ASAP1: variants seen among roughly 807,000 people sequenced by gnomAD.
ASAP1 encodes the protein ArfGAP with SH3 domain, ankyrin repeat and PH domain 1.
In ASAP1, 43 loss-of-function variants were observed where a neutral mutation model predicts 145.2. That is an observed-to-expected ratio of 0.30 (90% CI 0.23 to 0.38). The LOEUF (loss-of-function observed/expected upper bound fraction) is 0.38, where lower values mean the gene tolerates loss of function less well. ASAP1 is among the 10% of genes least tolerant of loss of function. The probability of loss-of-function intolerance (pLI) is 1.00; values close to 1 mark genes in which losing one functional copy is unlikely to be tolerated. For missense variants in ASAP1, 1,018 were observed against 1,355.3 expected, an observed-to-expected ratio of 0.75 and a Z score of 3.91; for synonymous variants, 546 against 515.5, an observed-to-expected ratio of 1.06 and a Z score of -0.80.
At chr8:130,150,971 T>C (rs2097644959) in intron 13 of ASAP1, among the ~76,000 whole-genome samples, 1 of 152,196 alleles carries the variant, frequency 6.6e-6, no homozygotes, top group Admixed American at 6.5e-5. Flanking sequence ...CATACACAGA[T>C]GACTGTGTAT....
chr8:130,220,804 G>A (rs1817246695), intron 4 of ASAP1, among the ~76,000 whole-genome samples: 1 of 152,164 alleles, frequency 6.6e-6, no homozygotes, highest in Admixed American at 6.5e-5. Flanking sequence ...GGTGGAAGGG[G>A]AAGCAAACAC....
At chr8:130,125,780 T>C (rs773211268) in intron 17 of ASAP1, among the ~76,000 whole-genome samples, 176 bp downstream of exon 17, 2 of 152,148 alleles carry the variant, frequency 1.3e-5, no homozygotes, top group Admixed American at 6.5e-5. Flanking sequence ...AAACAGGAAA[T>C]AGAAAGTCAG....
intron 5 of ASAP1, among the ~76,000 whole-genome samples, chr8:130,205,997 G>T (rs1816196026): frequency 3.3e-5 from 5 of 152,024 alleles, no homozygotes; most frequent in Admixed American, 3.3e-4. Context: ...ATTAACAGAA[G>T]CTAGAATTAT....
At chr8:130,394,119 A>G (rs1199263043) in intron 2 of ASAP1, among the ~76,000 whole-genome samples, 1 of 152,244 alleles carries the variant, frequency 6.6e-6, no homozygotes, top group East Asian at 1.9e-4. Context: ...CCTTGAAAAA[A>G]GAACAGGATA....
chr8:130,118,057 C>G, intron 20 of ASAP1, 104 bp downstream of exon 20: 2 of 912,748 alleles, frequency 2.2e-6, no homozygotes, highest in Non-Finnish European at 1.7e-6. Flanking sequence ...TAGCATGACA[C>G]AGAAAAAGCT....
intron 5 of ASAP1, among the ~76,000 whole-genome samples, chr8:130,211,328 T>TATGC (rs1816567184): frequency 6.6e-6 from 1 of 152,190 alleles, no homozygotes; most frequent in Admixed American, 6.5e-5. Context: ...GCCTCAGCCC[T>TATGC]ATGCACTGTT....
chr8:130,269,878 T>A (rs551575220), intron 3 of ASAP1, among the ~76,000 whole-genome samples: 1 of 152,304 alleles, frequency 6.6e-6, no homozygotes, highest in East Asian at 1.9e-4. Flanking sequence ...TCGTTCCAAG[T>A]TAAATATCAG....
At chr8:130,409,228 C>T (rs565969687) in intron 1 of ASAP1, among the ~76,000 whole-genome samples, 17 of 151,794 alleles carry the variant, frequency 1.1e-4, no homozygotes, top group Non-Finnish European at 2.4e-4. Flanking sequence ...CGCCACTGCA[C>T]TCCAGCCTGG....
At chr8:130,425,274 G>C (rs1234414032) in intron 1 of ASAP1, among the ~76,000 whole-genome samples, 2 of 152,116 alleles carry the variant, frequency 1.3e-5, no homozygotes, top group Admixed American at 6.5e-5. Context: ...AGAGGTTACA[G>C]TGAGGTGAGA....
At chr8:130,380,089 C>G (rs1827696156) in intron 2 of ASAP1, among the ~76,000 whole-genome samples, 1 of 152,170 alleles carries the variant, frequency 6.6e-6, no homozygotes, top group Non-Finnish European at 1.5e-5. Context: ...GTTGGGCACC[C>G]CAGGTCTCAG....
intron 24 of ASAP1, among the ~76,000 whole-genome samples, chr8:130,103,497 C>T (rs1425349054): frequency 6.6e-6 from 1 of 151,502 alleles, no homozygotes. Flanking sequence ...GGTTATTTGA[C>T]ATTTTTATTT....
intron 5 of ASAP1, among the ~76,000 whole-genome samples, chr8:130,211,704 C>T: frequency 6.6e-6 from 1 of 152,164 alleles, no homozygotes; most frequent in East Asian, 1.9e-4. Context: ...TCTTCAAAGG[C>T]AATACTTAAT....
chr8:130,357,269 G>C (rs1444361914), intron 3 of ASAP1, among the ~76,000 whole-genome samples: 1 of 151,070 alleles, frequency 6.6e-6, no homozygotes, highest in Non-Finnish European at 1.5e-5. Flanking sequence ...CTGTCGCCTC[G>C]GGCCTCCCTT....
chr8:130,149,815 G>A (rs1257378469), intron 13 of ASAP1, among the ~76,000 whole-genome samples: 2 of 152,180 alleles, frequency 1.3e-5, no homozygotes, highest in Non-Finnish European at 2.9e-5. Context: ...CCTTTCTGTG[G>A]GAGCAGCAAT....
intron 7 of ASAP1, 63 bp downstream of exon 7, chr8:130,187,173 G>A: frequency 1.5e-6 from 2 of 1,297,054 alleles, no homozygotes; most frequent in East Asian, 2.4e-5. Context: ...TTTTTTTTTT[G>A]TTGTCCAAAA....
chr8:130,126,734 G>C (rs901748361), intron 16 of ASAP1, among the ~76,000 whole-genome samples: 3 of 152,138 alleles, frequency 2.0e-5, no homozygotes, highest in African/African-American at 7.2e-5. Flanking sequence ...CTGACACTAC[G>C]TGTGTCACTA....
intron 25 of ASAP1, among the ~76,000 whole-genome samples, chr8:130,090,697 C>G (rs938178467): frequency 6.6e-6 from 1 of 152,138 alleles, no homozygotes; most frequent in East Asian, 1.9e-4. Flanking sequence ...ATGAACTCCA[C>G]GAGCATATGG....
chr8:130,294,604 A>G (rs1822147996), intron 3 of ASAP1, among the ~76,000 whole-genome samples: 1 of 152,268 alleles, frequency 6.6e-6, no homozygotes, highest in Non-Finnish European at 1.5e-5. Flanking sequence ...TTAAGTGTCC[A>G]ACACACAGTG....
At chr8:130,151,040 C>G (rs1024468389) in intron 13 of ASAP1, among the ~76,000 whole-genome samples, 4 of 151,868 alleles carry the variant, frequency 2.6e-5, no homozygotes, top group African/African-American at 9.7e-5. Flanking sequence ...TCTTTGATGC[C>G]TACACCAGAA....
Sources: gnomAD v4.1 joint callset for allele counts (sites outside exome capture counted in the v4.1 genomes callset) on GRCh38, gnomAD v4.1.1 for gene constraint, MANE v1.5 for transcripts, NCBI Gene and HGNC (gene_info 2026-07-23, HGNC 2026-07-21) for gene names.